Variants in ARL15 observed in about 807,000 individuals in gnomAD.
The protein encoded by ARL15 is ADP-ribosylation factor-like protein 15.
In ARL15, 19 loss-of-function variants were observed where a neutral mutation model predicts 25.2. That is an observed-to-expected ratio of 0.75 (90% CI 0.53 to 1.10). The LOEUF is 1.10. ARL15 is among the 50% of genes least tolerant of loss of function. The probability of loss-of-function intolerance (pLI) is 0.00; values close to 1 mark genes in which losing one functional copy is unlikely to be tolerated. For missense variants in ARL15, 220 were observed against 246.0 expected (o/e 0.89, Z 0.71); for synonymous variants, 94 against 86.8 (o/e 1.08, Z -0.46).
At chr5:53,964,910 C>T (rs911583802) in intron 4 of ARL15, among the ~76,000 whole-genome samples, 3 of 152,176 alleles carry the variant, frequency 2.0e-5, no homozygotes, top group Admixed American at 2.0e-4. Context: ...ACTCCCACCC[C>T]ACTCCTGAAG....
intron 3 of ARL15, among the ~76,000 whole-genome samples, chr5:54,135,856 GA>G (rs757461801): frequency 6.6e-6 from 1 of 152,124 alleles, no homozygotes; most frequent in Non-Finnish European, 1.5e-5. Flanking sequence ...GCTATTATAA[GA>G]CTCATTTCTG....
In ARL15 at chr5:53,961,380, C is replaced by A. The variant is rs186231386; in HGVS notation, c.463-74667G>T. ...AGGTATGGTGGCACACGCCTGTAGT[C>A]CCAGCTACTCGGGAGGCTGAGGCAG... On this transcript the variant is annotated intron_variant, in intron 4 of 4. Transcript: ENST00000504924. Among the ~76,000 whole-genome samples the A allele has an allele frequency of 2.0e-4, 30 of 151,674 alleles. No homozygotes were observed. In the East Asian group the frequency reaches 5.6e-3, roughly 29 times the overall value.
intron 1 of ARL15, among the ~76,000 whole-genome samples, chr5:54,285,087 T>C (rs983350468): frequency 3.3e-5 from 5 of 152,194 alleles, no homozygotes; most frequent in African/African-American, 1.2e-4. Context: ...TGAGTTTCTA[T>C]CTCAGATAAA....
chr5:54,222,695 G>T (rs1176510854), intron 1 of ARL15, among the ~76,000 whole-genome samples: 1 of 152,198 alleles, frequency 6.6e-6, no homozygotes. Flanking sequence ...TCTTCCCAGG[G>T]TGGAGGAGCA....
At chr5:54,239,446 C>T (rs1173878341) in intron 1 of ARL15, among the ~76,000 whole-genome samples, 2 of 152,098 alleles carry the variant, frequency 1.3e-5, no homozygotes, top group Admixed American at 1.3e-4. Flanking sequence ...AAGAAATGCT[C>T]AGTAAGTCTT....
At chr5:54,023,962 T>C (rs1193835359) in intron 4 of ARL15, among the ~76,000 whole-genome samples, 2 of 152,110 alleles carry the variant, frequency 1.3e-5, no homozygotes, top group East Asian at 1.9e-4. Context: ...CATTTACTAC[T>C]CTCCTAAAAT....
chr5:53,918,378 G>C (rs189926691), intron 4 of ARL15, among the ~76,000 whole-genome samples: 129 of 151,370 alleles, frequency 8.5e-4, no homozygotes, highest in African/African-American at 2.8e-3. Context: ...AGTAGAGATG[G>C]GGGGGGATCT....
chr5:54,255,128 T>C (rs112141764), intron 1 of ARL15, among the ~76,000 whole-genome samples: 2 of 152,328 alleles, frequency 1.3e-5, no homozygotes, highest in South Asian at 2.1e-4. Flanking sequence ...CAGGAACTTA[T>C]GTTCCCAGGA....
intron 1 of ARL15, among the ~76,000 whole-genome samples, chr5:54,202,368 T>C (rs1159596062): frequency 6.6e-6 from 1 of 152,114 alleles, no homozygotes; most frequent in Non-Finnish European, 1.5e-5. Context: ...GTAATCACAA[T>C]TGTCCTTAAG....
At chr5:54,293,365 T>G (rs1306853295) in intron 1 of ARL15, among the ~76,000 whole-genome samples, 3 of 152,210 alleles carry the variant, frequency 2.0e-5, no homozygotes, top group Non-Finnish European at 4.4e-5. Flanking sequence ...AATAAACGTG[T>G]AAGTAAATAT....
At chr5:54,271,685 G>A (rs568978886) in intron 1 of ARL15, among the ~76,000 whole-genome samples, 6 of 152,246 alleles carry the variant, frequency 3.9e-5, no homozygotes, top group South Asian at 4.1e-4. Flanking sequence ...TACTTACTAC[G>A]TGCCAGAACA....
chr5:54,250,652 C>T (rs1276658588), intron 1 of ARL15, among the ~76,000 whole-genome samples: 1 of 151,908 alleles, frequency 6.6e-6, no homozygotes, highest in Non-Finnish European at 1.5e-5. Flanking sequence ...AGTACAGGGA[C>T]ATGGGTAGTA....
intron 4 of ARL15, among the ~76,000 whole-genome samples, chr5:54,060,146 A>C (rs1001119756): frequency 1.3e-5 from 2 of 150,572 alleles, no homozygotes; most frequent in Non-Finnish European, 2.9e-5. Flanking sequence ...AAAAAAAAAA[A>C]AAAAAACCCC....
intron 4 of ARL15, among the ~76,000 whole-genome samples, chr5:54,058,960 T>C (rs1295668301): frequency 6.6e-6 from 1 of 151,982 alleles, no homozygotes; most frequent in Non-Finnish European, 1.5e-5. Flanking sequence ...CGTCATTAGG[T>C]TCTGAATATA....
At chr5:54,216,681 T>C (rs1756217428) in intron 1 of ARL15, among the ~76,000 whole-genome samples, 1 of 152,098 alleles carries the variant, frequency 6.6e-6, no homozygotes, top group South Asian at 2.1e-4. Flanking sequence ...AATGTACTAA[T>C]CATTCCATGG....
intron 1 of ARL15, among the ~76,000 whole-genome samples, chr5:54,197,301 G>A (rs1460212338): frequency 1.3e-5 from 2 of 151,986 alleles, no homozygotes; most frequent in African/African-American, 4.8e-5. Flanking sequence ...TGAATGCCAG[G>A]GAAAGAACTT....
chr5:54,067,072 A>T (rs1751260126), intron 4 of ARL15: 1 of 152,652 alleles, frequency 6.6e-6, no homozygotes, highest in African/African-American at 2.4e-5. Context: ...TTGCCATTGG[A>T]ATGACTGATT....
chr5:53,956,407 CAAAG>C (rs1348427501), intron 4 of ARL15, among the ~76,000 whole-genome samples: 1 of 149,214 alleles, frequency 6.7e-6, no homozygotes, highest in African/African-American at 2.4e-5. Context: ...ATAAGGCATG[CAAAG>C]AAAGAGGAAG....
chr5:54,262,605 G>A (rs1757522216), intron 1 of ARL15, among the ~76,000 whole-genome samples: 1 of 151,916 alleles, frequency 6.6e-6, no homozygotes, highest in Non-Finnish European at 1.5e-5. Flanking sequence ...TCTTCTTGTA[G>A]CTAATAATTA....
Sources: allele counts gnomAD v4.1 joint callset (sites outside exome capture counted in the v4.1 genomes callset), GRCh38; gene constraint gnomAD v4.1.1; transcripts MANE v1.5; gene names NCBI Gene and HGNC (gene_info 2026-07-23, HGNC 2026-07-21).